Variants in HNRNPF observed in about 807,000 individuals in gnomAD.
The protein encoded by HNRNPF is heterogeneous nuclear ribonucleoprotein F, also known as HnRNP F protein.
HNRNPF carries 2 observed loss-of-function variants against 26.0 expected under a neutral mutation model. That is an observed-to-expected ratio of 0.08 (90% CI 0.03 to 0.24). HNRNPF has a LOEUF of 0.24. HNRNPF is among the 10% of genes least tolerant of loss of function. HNRNPF has a pLI of 1.00. For missense variants in HNRNPF, 299 were observed against 539.2 expected (o/e 0.55, Z 4.41); for synonymous variants, 234 against 211.5 (o/e 1.11, Z -0.92).
chr10:43,408,345 G>A (rs539159118), intron 1 of HNRNPF, among the ~76,000 whole-genome samples: 2 of 152,174 alleles, frequency 1.3e-5, no homozygotes, highest in African/African-American at 4.8e-5. Flanking sequence ...GTCTGGGCGT[G>A]CGGCTCTCGA....
intron 1 of HNRNPF, among the ~76,000 whole-genome samples, chr10:43,406,156 G>A (rs1838911839): frequency 6.6e-6 from 1 of 152,156 alleles, no homozygotes; most frequent in Non-Finnish European, 1.5e-5. Flanking sequence ...GAAGAGCAGA[G>A]AACCAGAGCT....
At chr10:43,397,456 C>A (rs532596720) in intron 1 of HNRNPF, 1 of 152,336 alleles carries the variant, frequency 6.6e-6, no homozygotes, top group African/African-American at 2.4e-5. Context: ...CGAAGGGAGC[C>A]AGGCGCGAGC....
In HNRNPF at chr10:43,387,403, G is replaced by A; in HGVS notation, c.482C>T (p.Ser161Leu). 1 of 1,614,172 alleles carries A rather than the reference G, an allele frequency of 6.2e-7. No homozygotes were observed. ...ITGEAFVQFA[S>L]QELAEKALGK... ...TAGAGCCTTCTCAGCTAACTCCTGC[G>A]AGGCAAACTGCACGAACGCTTCCCC... Residue 161 changes from serine (S) to leucine (L), a missense_variant, in exon 4 of 4, where the codon TCG becomes TTG. Ser to Leu is a moderately radical substitution (Grantham distance 145). This residue lies in a region of HNRNPF where 104 missense variants were observed against 239.0 expected (regional missense o/e 0.44). Transcript: ENST00000682386. This position sits in a 1 kb window ranked among gnomAD's most constrained non-coding sequence, Gnocchi z 6.0.
chr10:43,402,912 G>A (rs540655182), intron 1 of HNRNPF, among the ~76,000 whole-genome samples: 1 of 151,774 alleles, frequency 6.6e-6, no homozygotes, highest in South Asian at 2.1e-4. Flanking sequence ...TTTTAAACGG[G>A]GTCTTGCTTT....
At chr10:43,402,685 G>T (rs1838789674) in intron 1 of HNRNPF, among the ~76,000 whole-genome samples, 1 of 152,172 alleles carries the variant, frequency 6.6e-6, no homozygotes, top group South Asian at 2.1e-4. Context: ...ACTTAAATTA[G>T]AAAAGATATG....
intron 1 of HNRNPF, 140 bp from the exon 2 acceptor site, chr10:43,396,730 C>T (rs370514624): frequency 2.0e-5 from 3 of 152,108 alleles, no homozygotes; most frequent in South Asian, 4.1e-4. Context: ...CTGCTCACGG[C>T]ACTCCAGCAG....
chr10:43,396,682 G>T (rs2131978229), intron 1 of HNRNPF, 92 bp from the exon 2 acceptor site: 1 of 152,274 alleles, frequency 6.6e-6, no homozygotes, highest in African/African-American at 2.4e-5. Flanking sequence ...AAGCAGCGCC[G>T]AGGCCCCGAG....
At chr10:43,408,377 A>T (rs1838998517) in intron 1 of HNRNPF, among the ~76,000 whole-genome samples, 1 of 151,872 alleles carries the variant, frequency 6.6e-6, no homozygotes, top group Non-Finnish European at 1.5e-5. Context: ...GCGTCTCCCG[A>T]TCCCAGTGGG....
chr10:43,396,965 G>T (rs1463564884), intron 1 of HNRNPF: 17 of 150,668 alleles, frequency 1.1e-4, no homozygotes, highest in Non-Finnish European at 2.1e-4. Context: ...GAGCGAGGGC[G>T]ACGGCAAGGT....
At chr10:43,393,842 C>CCCCT (rs1012913673) in intron 3 of HNRNPF, among the ~76,000 whole-genome samples, 7 of 152,338 alleles carry the variant, frequency 4.6e-5, no homozygotes, top group African/African-American at 1.7e-4. Flanking sequence ...AAGCTCTCTG[C>CCCCT]CCCTTCAGGG....
rs1838072921 is a variant in HNRNPF at position 43,387,452 on chromosome 10, C to T, written c.433G>A (p.Val145Met). ...CCTGTAATCTTGCCTTCGGGGTCCA[C>T]AGGCAATGTGATCCCGTTTGGCACA... ...EIVPNGITLP[V>M]DPEGKITGEA... Residue 145 changes from valine (V) to methionine (M), a missense_variant, in exon 4 of 4, where the codon GTG (valine) becomes ATG (methionine). Coordinates refer to ENST00000682386, the MANE Select transcript of HNRNPF (RefSeq NM_001098204.2). This position sits in a 1 kb window ranked among gnomAD's most constrained non-coding sequence, Gnocchi z 6.0. 6.8e-6 allele frequency: 11 copies of T among 1,614,238 alleles called. No homozygotes were observed. The highest frequency in any genetic ancestry group is 9.3e-6 in the Non-Finnish European group (11 of 1,180,040).
At chr10:43,390,678 C>A (rs980700537) in intron 3 of HNRNPF, among the ~76,000 whole-genome samples, 4 of 152,166 alleles carry the variant, frequency 2.6e-5, no homozygotes, top group Admixed American at 6.5e-5. Flanking sequence ...CTTAACTGTA[C>A]GCGCCCAGTA....
intron 1 of HNRNPF, among the ~76,000 whole-genome samples, chr10:43,404,304 A>AAT (rs1375852968): frequency 2.6e-5 from 4 of 151,104 alleles, no homozygotes; most frequent in African/African-American, 4.9e-5. Flanking sequence ...CCGTCTATAA[A>AAT]AAAAAAAAAA....
At chr10:43,390,745 A>G (rs760221415) in intron 3 of HNRNPF, among the ~76,000 whole-genome samples, 7 of 152,202 alleles carry the variant, frequency 4.6e-5, no homozygotes, top group Non-Finnish European at 7.3e-5. Flanking sequence ...GGATGTACTG[A>G]GTGGCTCAGC....
intron 3 of HNRNPF, among the ~76,000 whole-genome samples, chr10:43,393,593 T>A (rs961936811): frequency 1.4e-5 from 2 of 139,758 alleles, no homozygotes; most frequent in Non-Finnish European, 3.0e-5. Flanking sequence ...CAAAACTCCA[T>A]CTCAAAAAAA....
At position 43,386,608 on chromosome 10, in the gene HNRNPF, T is replaced by A. The variant is rs199696858; in HGVS notation, c.*29A>T. ...GCTTGTTGGCTGCCTGTGAAAATGA[T>A]TGAAGTAACTCAAATGTTCCTAACA... On this transcript the variant is annotated 3_prime_UTR_variant, in exon 4 of 4. Transcript: ENST00000682386. 2 of 1,507,912 alleles carry A rather than the reference T, an allele frequency of 1.3e-6. No homozygotes were observed. Among genetic ancestry groups the A allele is most frequent in the Non-Finnish European group, 1.8e-6 (2 of 1,132,568 alleles). The allele number at this position is 1,507,912 out of a possible 1,614,324, so 93.4% of individuals were successfully genotyped here.
In HNRNPF at chr10:43,391,687, T is replaced by C. The variant is rs542897382; in HGVS notation, c.-53+2943A>G. On this transcript the variant is annotated intron_variant, in intron 3 of 3. Coordinates refer to ENST00000682386, the MANE Select transcript of HNRNPF (RefSeq NM_001098204.2). ...CAGAGTCCAGGAGTTTGTAAGCACG[T>C]AGTGGGCCCCTTACAGCGGACATCG... Among the ~76,000 whole-genome samples, 17 of 152,254 alleles carry C rather than the reference T, an allele frequency of 1.1e-4. No individual in the cohort carries two copies. The South Asian group carries it at 1.9e-3, about 17-fold the overall frequency.
chr10:43,387,285 C>T lies in HNRNPF; in HGVS notation c.600G>A (p.Lys200=), dbSNP rs1200347811. The change falls in exon 4 of 4, where the codon AAG becomes AAA. Residue 200 remains lysine (K), a synonymous_variant. Coordinates refer to ENST00000682386, the MANE Select transcript of HNRNPF (RefSeq NM_001098204.2). This position sits in a 1 kb window ranked among gnomAD's most constrained non-coding sequence, Gnocchi z 6.0. The part of the protein sequence containing the change: ...EVRSYSDPPL[K]FMSVQRPGPY... The stretch of plus-strand genomic sequence containing the variant: ...GCCCTGGCCGCTGCACGGACATGAA[C>T]TTCAGAGGGGGATCTGAGTATGACC... The T allele has an allele frequency of 1.2e-6, 2 of 1,614,228 alleles. No homozygotes were observed. Among genetic ancestry groups the T allele is most frequent in the Non-Finnish European group, 1.7e-6 (2 of 1,180,048 alleles).
At chr10:43,402,869 T>C (rs183705051) in intron 1 of HNRNPF, among the ~76,000 whole-genome samples, 2 of 151,364 alleles carry the variant, frequency 1.3e-5, no homozygotes, top group East Asian at 1.9e-4. Flanking sequence ...TCTTAATCTG[T>C]CATGCCTTTT....
Sources: gnomAD v4.1 joint callset for allele counts (sites outside exome capture counted in the v4.1 genomes callset) on GRCh38, gnomAD v4.1.1 for gene constraint, gnomAD v4.1.1 regional missense constraint, Gnocchi (gnomAD v3.1) non-coding constraint, MANE v1.5 for transcripts, NCBI Gene and HGNC (gene_info 2026-07-23, HGNC 2026-07-21) for gene names.